MKLN1: variants seen among roughly 807,000 people sequenced by gnomAD.
MKLN1 encodes the protein muskelin 1, also known as muskelin.
Under a neutral mutation model 99.0 loss-of-function variants are expected in MKLN1, and 18 were observed. The ratio of observed to expected loss-of-function variants is 0.18; its 90% confidence interval spans 0.13 to 0.27. The LOEUF (loss-of-function observed/expected upper bound fraction) is 0.27, where lower values mean the gene tolerates loss of function less well. Ranked by LOEUF, MKLN1 falls within the 10% of genes least tolerant of loss-of-function variation. MKLN1 has a pLI of 1.00. For missense variants in MKLN1, 621 were observed against 875.9 expected, an observed-to-expected ratio of 0.71 and a Z score of 3.67; for synonymous variants, 288 against 293.2, an observed-to-expected ratio of 0.98 and a Z score of 0.18.
chr7:131,356,956 T>TAAGGA, intron 1 of MKLN1, among the ~76,000 whole-genome samples: 1 of 151,650 alleles, frequency 6.6e-6, no homozygotes, highest in South Asian at 2.1e-4. Context: ...TTTAGAACAG[T>TAAGGA]AAGGAAAGGA....
At position 131,447,045 on chromosome 7, in the gene MKLN1, A is replaced by C. The variant is rs188236123; in HGVS notation, c.1525+1142A>C. 3.3e-5 allele frequency among the ~76,000 whole-genome samples: 5 copies of C among 152,364 alleles called. No individual in the cohort carries two copies. The East Asian group carries it at 9.6e-4, about 29-fold the overall frequency. On this transcript the variant is annotated intron_variant, in intron 12 of 17. Transcript: ENST00000352689. ...CACAACAGGAAAAGCGAAACTTTTT[A>C]TAAAAAAGGAGACATTATCACAGTA...
intron 1 of MKLN1, among the ~76,000 whole-genome samples, chr7:131,375,126 A>G (rs1279616666): frequency 6.6e-6 from 1 of 152,014 alleles, no homozygotes; most frequent in Non-Finnish European, 1.5e-5. Flanking sequence ...TTAAATATGT[A>G]TGTCTAAGGT....
intron 2 of MKLN1, among the ~76,000 whole-genome samples, chr7:131,179,997 T>C (rs1271816188): frequency 6.6e-6 from 1 of 152,182 alleles, no homozygotes; most frequent in Non-Finnish European, 1.5e-5. Flanking sequence ...TCTCAAGTAA[T>C]CCTCCTGCCT....
intron 1 of MKLN1, among the ~76,000 whole-genome samples, chr7:131,343,354 T>C (rs1427124314): frequency 1.3e-5 from 2 of 152,210 alleles, no homozygotes; most frequent in Admixed American, 1.3e-4. Context: ...ACTTCTTTCT[T>C]AGACTTTGTG....
intron 2 of MKLN1, among the ~76,000 whole-genome samples, chr7:131,189,230 A>G (rs1044842758): frequency 6.6e-6 from 1 of 152,228 alleles, no homozygotes; most frequent in Non-Finnish European, 1.5e-5. Context: ...CACTGTATTC[A>G]AAGATCATAT....
chr7:131,298,187 C>T (rs921790387), intron 3 of MKLN1, among the ~76,000 whole-genome samples: 2 of 151,860 alleles, frequency 1.3e-5, no homozygotes, highest in Non-Finnish European at 2.9e-5. Flanking sequence ...AGAAGAATGG[C>T]GTGAACCCAG....
chr7:131,221,681 T>C (rs1179805174), intron 3 of MKLN1, among the ~76,000 whole-genome samples: 1 of 150,032 alleles, frequency 6.7e-6, no homozygotes, highest in African/African-American at 2.5e-5. Context: ...CTAATTTTTT[T>C]TTTTTTTTTT....
chr7:131,392,707 G>A (rs1045266302), intron 4 of MKLN1, among the ~76,000 whole-genome samples: 13 of 151,072 alleles, frequency 8.6e-5, no homozygotes, highest in African/African-American at 1.2e-4. Flanking sequence ...CTGGGTTCAA[G>A]CGATTCTCCT....
chr7:131,479,267 G>T (rs1248427413), intron 17 of MKLN1, among the ~76,000 whole-genome samples: 1 of 152,158 alleles, frequency 6.6e-6, no homozygotes, highest in Non-Finnish European at 1.5e-5. Flanking sequence ...CGGGCACAGT[G>T]GCTCACACCT....
At chr7:131,286,556 A>G (rs573005908) in intron 3 of MKLN1, among the ~76,000 whole-genome samples, 1 of 152,300 alleles carries the variant, frequency 6.6e-6, no homozygotes, top group South Asian at 2.1e-4. Flanking sequence ...TATCTCTGAG[A>G]GGCAAGTCAG....
intron 3 of MKLN1, among the ~76,000 whole-genome samples, chr7:131,211,777 A>AAAAGATG (rs1796910001): frequency 6.6e-6 from 1 of 152,172 alleles, no homozygotes; most frequent in Admixed American, 6.6e-5. Flanking sequence ...TGATTACTCT[A>AAAAGATG]GGAGGCTCAT....
intron 12 of MKLN1, among the ~76,000 whole-genome samples, chr7:131,448,621 T>A (rs1392871888): frequency 3.9e-5 from 6 of 152,232 alleles, no homozygotes; most frequent in African/African-American, 1.4e-4. Flanking sequence ...TATTTTAAAA[T>A]TTACATTAAA....
chr7:131,128,963 G>C (rs1795507765), intron 1 of MKLN1, among the ~76,000 whole-genome samples: 1 of 146,058 alleles, frequency 6.8e-6, no homozygotes, highest in South Asian at 2.1e-4. Flanking sequence ...AGAGATTCTA[G>C]GACTTTATGT....
intron 3 of MKLN1, among the ~76,000 whole-genome samples, chr7:131,208,677 C>T (rs893467419): frequency 6.6e-6 from 1 of 152,162 alleles, no homozygotes; most frequent in African/African-American, 2.4e-5. Context: ...ACTTAAAAAT[C>T]TTTCCCTTCA....
At chr7:131,311,147 G>A (rs1421098044) in intron 3 of MKLN1, 3 of 152,086 alleles carry the variant, frequency 2.0e-5, no homozygotes, top group Non-Finnish European at 4.4e-5. Flanking sequence ...TTGTTACTTA[G>A]TCCAATGATA....
At chr7:131,181,066 C>CAATAAT (rs1294359945) in intron 2 of MKLN1, among the ~76,000 whole-genome samples, 2 of 152,280 alleles carry the variant, frequency 1.3e-5, no homozygotes, top group African/African-American at 4.8e-5. Flanking sequence ...ATTAATTCTG[C>CAATAAT]AGTTGGACGT....
chr7:131,426,120 C>T (rs964431663), intron 8 of MKLN1, among the ~76,000 whole-genome samples: 1 of 152,116 alleles, frequency 6.6e-6, no homozygotes, highest in Non-Finnish European at 1.5e-5. Flanking sequence ...ATGCTTACTG[C>T]GTGCCAGATT....
chr7:131,419,463 A>T (rs1795127996), intron 8 of MKLN1, among the ~76,000 whole-genome samples: 1 of 151,714 alleles, frequency 6.6e-6, no homozygotes, highest in Non-Finnish European at 1.5e-5. Context: ...GCTGGTCTTG[A>T]ACTTCTGACC....
intron 4 of MKLN1, among the ~76,000 whole-genome samples, chr7:131,391,844 C>T (rs978795256): frequency 2.0e-5 from 3 of 152,080 alleles, no homozygotes; most frequent in Admixed American, 6.6e-5. Context: ...TGCACATTTT[C>T]GTACTTATAT....
Sources: allele counts gnomAD v4.1 joint callset (sites outside exome capture counted in the v4.1 genomes callset), GRCh38; gene constraint gnomAD v4.1.1; transcripts MANE v1.5; gene names NCBI Gene and HGNC (gene_info 2026-07-23, HGNC 2026-07-21).